AKAP12: variants seen among roughly 807,000 people sequenced by gnomAD.
The protein encoded by AKAP12 is A-kinase anchor protein 12.
A neutral mutation model predicts 79.9 loss-of-function variants in AKAP12; 32 were observed. The ratio of observed to expected loss-of-function variants is 0.40; its 90% confidence interval spans 0.30 to 0.54. AKAP12 has a LOEUF of 0.54. AKAP12 is among the 20% of genes least tolerant of loss of function. The pLI is 0.48. For synonymous variants in AKAP12, 808 were observed against 857.0 expected (o/e 0.94, Z 1.00); for missense variants, 2,074 against 2,177.0 (o/e 0.95, Z 0.94).
rs2114839894 is a variant in AKAP12, at chr6:151,357,620, T to C, written c.*1906T>C. ...CTTGTTTGTAGTTGGAAGTCATCTT[T>C]TAGGAGTTATTCTCAAATATATATA... is the stretch of plus-strand genomic sequence containing the variant. On this transcript the variant is annotated 3_prime_UTR_variant, in exon 5 of 5. Coordinates refer to ENST00000402676, the MANE Select transcript of AKAP12 (RefSeq NM_005100.4). 1.3e-5 allele frequency: 2 copies of C among 152,126 alleles called. No homozygotes were observed. Among genetic ancestry groups the C allele is most frequent in the Admixed American group, 1.3e-4 (2 of 15,280 alleles). The allele number at this position is 152,126 out of a possible 1,614,324, so 9.4% of individuals were successfully genotyped here.
intron 2 of AKAP12, among the ~76,000 whole-genome samples, chr6:151,254,713 C>T (rs17080949): frequency 0.11 from 16,050 of 152,156 alleles, 1,260 homozygotes; most frequent in East Asian, 0.27. Flanking sequence ...ATCGGTTATT[C>T]GTTTGATATT....
In AKAP12 at chr6:151,246,452, ACCCT is replaced by A. The variant is rs1797077164; in HGVS notation, c.162+5729_162+5732del. 1.3e-5 allele frequency among the ~76,000 whole-genome samples: 2 copies of A among 152,034 alleles called. 1 individual carries two copies. Among genetic ancestry groups the A allele is most frequent in the South Asian group, 4.2e-4 (2 of 4,818 alleles). ...AACAAAAACAAAAACAAAAAATTTA[ACCCT>A]TCCTAAATTGACTTTCCAAAGAGGT... On this transcript the variant is annotated intron_variant, in intron 2 of 4. Transcript: ENST00000402676.
chr6:151,288,440 A>C (rs1776549916), intron 2 of AKAP12, among the ~76,000 whole-genome samples: 1 of 152,114 alleles, frequency 6.6e-6, no homozygotes, highest in African/African-American at 2.4e-5. Context: ...GAACCCCGGG[A>C]GGCGGAGGCT....
chr6:151,345,895 A>ATGTGTGTGTGTG (rs367643775), intron 3 of AKAP12, among the ~76,000 whole-genome samples: 35 of 128,940 alleles, frequency 2.7e-4, no homozygotes, highest in African/African-American at 9.2e-4. Flanking sequence ...GTGTGTGTAT[A>ATGTGTGTGTGTG]TGTGTGTGTG....
intron 2 of AKAP12, among the ~76,000 whole-genome samples, chr6:151,300,616 A>C (rs765291548): frequency 6.6e-6 from 1 of 152,012 alleles, no homozygotes; most frequent in Non-Finnish European, 1.5e-5. Context: ...GAAGTCTCCT[A>C]GTTTTTCTGT....
chr6:151,352,568 G>A lies in AKAP12; in HGVS notation c.4177G>A (p.Glu1393Lys). ...TGGGGCAAAGGAAGTCAGCAGTTTGGAAGGAAGCCCTCCTCCCTGCCTAGG... is the reference window on the plus strand; with the variant it reads ...TGGGGCAAAGGAAGTCAGCAGTTTGAAAGGAAGCCCTCCTCCCTGCCTAGG... ...IDGAKEVSSL[E>K]GSPPPCLGQE... The change falls in exon 4 of 5, where the codon GAA (glutamate) becomes AAA (lysine). Residue 1393 changes from glutamate (E) to lysine (K), a missense_variant. Transcript: ENST00000402676. The A allele has an allele frequency of 6.2e-7, 1 of 1,614,180 alleles. No individual in the cohort carries two copies. The highest frequency in any genetic ancestry group is 1.1e-5 in the South Asian group (1 of 91,074).
chr6:151,350,820 T>G lies in AKAP12; in HGVS notation c.2429T>G (p.Phe810Cys), dbSNP rs778160047. ...GAATCCTGGGTCTCAATCAAGAAGT[T>G]TATTCCTGGACGAAGGAAGAAAAGG... ...KEESWVSIKK[F>C]IPGRRKKRPD... is the part of the protein sequence containing the mutation. Residue 810 changes from phenylalanine (F) to cysteine (C), a missense_variant, in exon 4 of 5, where the codon TTT becomes TGT. By Grantham distance (205) the Phe-to-Cys change is radical. Transcript: ENST00000402676. The surrounding 1 kb of genome is among the most constrained non-coding windows in gnomAD (Gnocchi z 4.8). The G allele has an allele frequency of 1.8e-5, 29 of 1,613,782 alleles. No homozygotes were observed. Among genetic ancestry groups the G allele is most frequent in the Non-Finnish European group, 2.5e-5 (29 of 1,179,938 alleles).
chr6:151,240,933 G>T (rs931163711), intron 2 of AKAP12, among the ~76,000 whole-genome samples: 10 of 152,328 alleles, frequency 6.6e-5, no homozygotes, highest in African/African-American at 2.4e-4. Context: ...GCGGCGGGGG[G>T]CTTGCATCTT....
intron 2 of AKAP12, among the ~76,000 whole-genome samples, chr6:151,302,837 C>T (rs1331252621): frequency 6.6e-6 from 1 of 152,216 alleles, no homozygotes; most frequent in Non-Finnish European, 1.5e-5. Context: ...CCTCCCCCAA[C>T]TTTTCTTCCT....
chr6:151,304,672 G>A (rs2114754938), intron 2 of AKAP12, among the ~76,000 whole-genome samples: 2 of 151,528 alleles, frequency 1.3e-5, no homozygotes, highest in South Asian at 4.2e-4. Context: ...CCACCTCCAG[G>A]TTCAAGTGAT....
At chr6:151,242,321 TA>T (rs1796994323) in intron 2 of AKAP12, among the ~76,000 whole-genome samples, 1 of 145,924 alleles carries the variant, frequency 6.9e-6, no homozygotes, top group Non-Finnish European at 1.5e-5. Flanking sequence ...TTTGTTTATT[TA>T]AAAATATTCC....
At chr6:151,343,857 A>G in intron 3 of AKAP12, 1 of 411,304 alleles carries the variant, frequency 2.4e-6, no homozygotes, top group Non-Finnish European at 4.6e-6. Flanking sequence ...AACTATAAAC[A>G]AATTCATCAC....
chr6:151,270,139 C>A (rs1776152317), intron 2 of AKAP12, among the ~76,000 whole-genome samples: 2 of 152,304 alleles, frequency 1.3e-5, no homozygotes, highest in African/African-American at 4.8e-5. Flanking sequence ...TCACTGCAAC[C>A]TCCGCCTCCT....
At chr6:151,296,171 GA>G (rs1776720164) in intron 2 of AKAP12, among the ~76,000 whole-genome samples, 1 of 152,194 alleles carries the variant, frequency 6.6e-6, no homozygotes, top group African/African-American at 2.4e-5. Flanking sequence ...GCAGCAGGAA[GA>G]GAGCTCTGGA....
chr6:151,279,359 G>A (rs1480771963), intron 2 of AKAP12, among the ~76,000 whole-genome samples: 3 of 152,120 alleles, frequency 2.0e-5, no homozygotes, highest in Middle Eastern at 3.4e-3. Context: ...TTTGGTTCTC[G>A]TCAGTGTCAT....
At chr6:151,304,566 G>T (rs984403538) in intron 2 of AKAP12, among the ~76,000 whole-genome samples, 4 of 143,846 alleles carry the variant, frequency 2.8e-5, no homozygotes, top group African/African-American at 1.0e-4. Context: ...GATTTTGTGG[G>T]TTTTTTCATT....
intron 3 of AKAP12, among the ~76,000 whole-genome samples, chr6:151,322,767 A>G (rs574657270): frequency 1.3e-5 from 2 of 152,310 alleles, no homozygotes; most frequent in African/African-American, 4.8e-5. Flanking sequence ...GGGTGTGTGC[A>G]CCATCCATGA....
chr6:151,249,365 A>T (rs559622113), intron 2 of AKAP12, among the ~76,000 whole-genome samples: 24 of 152,218 alleles, frequency 1.6e-4, no homozygotes, highest in Non-Finnish European at 3.1e-4. Flanking sequence ...AATATAATAG[A>T]GACAAGGTCT....
In AKAP12 at chr6:151,352,495, A is replaced by G. The variant is rs3734796; in HGVS notation, c.4104A>G (p.Glu1368=). Reference sequence around the variant, plus strand: ...ACGAAACAGCTGTTACCGTATCTGAAGAGGTCAGTAAGCAGCTCCTCCAGA... The same window carrying G: ...ACGAAACAGCTGTTACCGTATCTGAGGAGGTCAGTAAGCAGCTCCTCCAGA... The part of the protein sequence containing the change: ...LEHETAVTVS[E]EVSKQLLQTV... The change falls in exon 4 of 5, where the codon GAA becomes GAG. Residue 1368 remains glutamate, a synonymous_variant. Transcript: ENST00000402676. 2,467 of 1,614,192 alleles carry G rather than the reference A, an allele frequency of 1.5e-3. 26 individuals carry two copies. In the East Asian group the frequency reaches 0.033, roughly 22 times the overall value.
Sources: gnomAD v4.1 joint callset for allele counts (sites outside exome capture counted in the v4.1 genomes callset) on GRCh38, gnomAD v4.1.1 for gene constraint, Gnocchi (gnomAD v3.1) non-coding constraint, MANE v1.5 for transcripts, NCBI Gene and HGNC (gene_info 2026-07-23, HGNC 2026-07-21) for gene names.